The following DYSF variants were observed in gnomAD, a reference collection of about 807,000 sequenced individuals.
DYSF encodes dysferlin.
Under a neutral mutation model 274.9 loss-of-function variants are expected in DYSF, and 212 were observed. The ratio of observed to expected loss-of-function variants is 0.77; its 90% CI spans 0.69 to 0.86. DYSF has a LOEUF of 0.86. DYSF is among the 40% of genes least tolerant of loss of function. DYSF has a pLI of 0.00. For missense variants in DYSF, 2,666 were observed against 2,783.2 expected, an observed-to-expected ratio of 0.96 and a Z score of 0.95; for synonymous variants, 1,091 against 1,078.7, an observed-to-expected ratio of 1.01 and a Z score of -0.22.
chr2:71,637,935 G>A (rs576695950), intron 41 of DYSF, among the ~76,000 whole-genome samples: 174 of 152,274 alleles, frequency 1.1e-3, no homozygotes, highest in Middle Eastern at 3.4e-3. Flanking sequence ...CCGGCCAGCT[G>A]GTGTGGCCGG....
At chr2:71,547,086 C>T (rs955142832) in intron 17 of DYSF, among the ~76,000 whole-genome samples, 1 of 152,216 alleles carries the variant, frequency 6.6e-6, no homozygotes, top group African/African-American at 2.4e-5. Context: ...AGGGAAAACA[C>T]AATAAAACAC....
In DYSF at chr2:71,686,662, G is replaced by C. The variant is rs1360753024; in HGVS notation, c.*170G>C. On this transcript the variant is annotated 3_prime_UTR_variant, in exon 56 of 56. Coordinates refer to ENST00000410020, the MANE Select transcript of DYSF (RefSeq NM_001130987.2). ...CCACACTCCCAGAGTTGCTAACATG[G>C]AGCTCTGAGATCACCCCACTTCCAT... 8 of 745,188 alleles carry C rather than the reference G, an allele frequency of 1.1e-5. 1 individual carries two copies. The highest frequency in any genetic ancestry group is 1.9e-5 in the Non-Finnish European group (8 of 427,282). The allele number at this position is 745,188 out of a possible 1,614,324, so 46.2% of individuals were successfully genotyped here.
At chr2:71,583,716 G>GA (rs2092971623) in intron 30 of DYSF, among the ~76,000 whole-genome samples, 1 of 152,226 alleles carries the variant, frequency 6.6e-6, no homozygotes, top group Admixed American at 6.5e-5. Context: ...AGGAATCTCA[G>GA]ACATGCTGGT....
chr2:71,679,111 A>T lies in DYSF; in HGVS notation c.5939A>T (p.Lys1980Met), dbSNP rs536703008. The T allele has an allele frequency of 1.9e-6, 3 of 1,614,042 alleles. No homozygotes were observed. The South Asian group carries it at 3.3e-5, about 18-fold the overall frequency. Residue 1980 changes from lysine to methionine, a missense_variant, in exon 53 of 56, where the codon AAG (lysine) becomes ATG (methionine). This residue lies in a region of DYSF where 1,460 missense variants were observed against 1,502.1 expected (regional missense o/e 0.97). Transcript: ENST00000410020. ...CCCAAGCCAGCCAAGACAGCCAAGA[A>T]GTGCTCCTTGGACCAGCTGGATGAT... ...RMPKPAKTAK[K>M]CSLDQLDDAF...
At chr2:71,684,693 A>G (rs1352824761) in intron 55 of DYSF, among the ~76,000 whole-genome samples, 1 of 152,186 alleles carries the variant, frequency 6.6e-6, no homozygotes, top group Non-Finnish European at 1.5e-5. Context: ...GGAACTCACT[A>G]GAAACTCAGA....
Position 71,664,371 on chromosome 2 carries a change from G to A in DYSF, c.5107G>A (p.Val1703Ile), listed in dbSNP as rs747210644. Residue 1703 changes from valine to isoleucine, a missense_variant, in exon 46 of 56, where the codon GTC becomes ATC. Transcript: ENST00000410020. ...GGACGAAAAGATCGGTGAGACGGTC[G>A]TCGACCTGGAGAACAGGCTGCTGTC... The part of the protein sequence containing the change: ...SKDEKIGETV[V>I]DLENRLLSKF... 7.4e-6 allele frequency: 12 copies of A among 1,614,066 alleles called. No homozygotes were observed. Among genetic ancestry groups the A allele is most frequent in the African/African-American group, 4.0e-5 (3 of 74,926 alleles).
intron 8 of DYSF, 133 bp downstream of exon 8, chr2:71,515,884 C>G: frequency 7.4e-7 from 1 of 1,346,576 alleles, no homozygotes; most frequent in Non-Finnish European, 1.0e-6. Context: ...TGTGCTGGCT[C>G]CCAAGGAGGT....
At chr2:71,493,851 CAAAAAAAAA>C (rs145288384) in intron 3 of DYSF, among the ~76,000 whole-genome samples, 34 of 69,318 alleles carry the variant, frequency 4.9e-4, no homozygotes, top group African/African-American at 1.8e-3. Flanking sequence ...TACTCTGTCT[CAAAAAAAAA>C]AAAAAAAAAA....
intron 4 of DYSF, among the ~76,000 whole-genome samples, chr2:71,506,391 G>A (rs527910245): frequency 2.5e-4 from 38 of 152,260 alleles, no homozygotes; most frequent in Non-Finnish European, 4.6e-4. Flanking sequence ...GGCAGCAGAC[G>A]AGGGCGACCG....
chr2:71,671,673 G>A (rs1436121687), intron 51 of DYSF, among the ~76,000 whole-genome samples: 3 of 152,228 alleles, frequency 2.0e-5, no homozygotes, highest in Non-Finnish European at 4.4e-5. Context: ...AGTGAGGGAG[G>A]GACACAGAGA....
At chr2:71,644,177 G>A (rs920920609) in intron 42 of DYSF, 114 bp downstream of exon 42, 9 of 925,942 alleles carry the variant, frequency 9.7e-6, no homozygotes, top group Non-Finnish European at 1.6e-5. Flanking sequence ...TCCTCATTCG[G>A]TGTCTGAGGG....
intron 41 of DYSF, among the ~76,000 whole-genome samples, chr2:71,642,959 G>A (rs1291040667): frequency 1.3e-5 from 2 of 152,220 alleles, no homozygotes; most frequent in Non-Finnish European, 2.9e-5. Context: ...GAGGAGGAAA[G>A]CGAGTTCCAG....
chr2:71,648,848 C>T (rs750680401), intron 42 of DYSF, among the ~76,000 whole-genome samples: 1 of 152,106 alleles, frequency 6.6e-6, no homozygotes, highest in African/African-American at 2.4e-5. Context: ...CAATAACACA[C>T]TGATATAAGA....
At chr2:71,602,626 G>A in intron 35 of DYSF, 150 bp from the exon 36 acceptor site, 1 of 726,848 alleles carries the variant, frequency 1.4e-6, no homozygotes, top group Non-Finnish European at 2.4e-6. Context: ...TTGGTGGGAG[G>A]TGGTTTCTGT....
At chr2:71,561,227 T>C (rs1338564953) in intron 22 of DYSF, among the ~76,000 whole-genome samples, 1 of 152,090 alleles carries the variant, frequency 6.6e-6, no homozygotes, top group Non-Finnish European at 1.5e-5. Flanking sequence ...CCACCTCAGG[T>C]GGATACATCT....
At chr2:71,534,463 G>A (rs889290200) in intron 14 of DYSF, among the ~76,000 whole-genome samples, 4 of 152,132 alleles carry the variant, frequency 2.6e-5, no homozygotes, top group African/African-American at 4.8e-5. Context: ...GGAAAAACCT[G>A]GTCTTTAGGA....
intron 40 of DYSF, among the ~76,000 whole-genome samples, chr2:71,618,394 TGTGTGTGTGGTAGAGGTG>T (rs1161736536): frequency 7.0e-5 from 7 of 99,430 alleles, no homozygotes; most frequent in East Asian, 3.4e-4. Context: ...AGGTGGTGTG[TGTGTGTGTGGTAGAGGTG>T]GTGTGTGTGT....
intron 10 of DYSF, among the ~76,000 whole-genome samples, chr2:71,518,296 G>A (rs1226803848): frequency 6.9e-6 from 1 of 144,166 alleles, no homozygotes. Context: ...TTGCTCTGTC[G>A]CCCAGGCTGG....
chr2:71,562,421 ACT>A (rs2091835331), intron 23 of DYSF, among the ~76,000 whole-genome samples: 2 of 151,566 alleles, frequency 1.3e-5, no homozygotes, highest in Admixed American at 6.6e-5. Context: ...ATTTTCAGTA[ACT>A]CTGAGTTTTG....
Sources: allele counts gnomAD v4.1 joint callset (sites outside exome capture counted in the v4.1 genomes callset), GRCh38; gene constraint gnomAD v4.1.1; regional missense constraint gnomAD v4.1.1; transcripts MANE v1.5; gene names NCBI Gene and HGNC (gene_info 2026-07-23, HGNC 2026-07-21).